Variants in ERBB4 observed in about 807,000 individuals in gnomAD.
The protein encoded by ERBB4 is erb-b2 receptor tyrosine kinase 4, also known as receptor tyrosine-protein kinase erbB-4.
In ERBB4, 42 loss-of-function variants were observed where a neutral mutation model predicts 158.0. The ratio of observed to expected loss-of-function variants is 0.27; its 90% CI spans 0.21 to 0.34. ERBB4 has a LOEUF of 0.34. Among genes scored for constraint, ERBB4 ranks in the 10% least tolerant of loss-of-function variants. ERBB4 has a pLI of 1.00. For missense variants in ERBB4, 1,333 were observed against 1,624.1 expected (o/e 0.82, Z 3.08); for synonymous variants, 583 against 558.7 (o/e 1.04, Z -0.61).
chr2:212,190,377 A>G (rs1264562619), intron 1 of ERBB4, among the ~76,000 whole-genome samples: 3 of 152,122 alleles, frequency 2.0e-5, no homozygotes, highest in South Asian at 4.1e-4. Flanking sequence ...TCTACTGAAA[A>G]TACAAAAAAA....
chr2:211,719,007 T>G (rs1022489975), intron 7 of ERBB4, among the ~76,000 whole-genome samples: 6 of 152,246 alleles, frequency 3.9e-5, no homozygotes, highest in African/African-American at 1.4e-4. Context: ...GGATGGCTTT[T>G]TAAAATGTTT....
intron 2 of ERBB4, among the ~76,000 whole-genome samples, chr2:212,039,187 C>A (rs1056943148): frequency 6.6e-6 from 1 of 152,056 alleles, no homozygotes; most frequent in Non-Finnish European, 1.5e-5. Context: ...GATACCCAGC[C>A]TAGCAGAGGA....
intron 1 of ERBB4, among the ~76,000 whole-genome samples, chr2:212,508,710 T>C (rs1691335551): frequency 6.6e-6 from 1 of 152,138 alleles, no homozygotes; most frequent in Admixed American, 6.5e-5. Context: ...TGGGTAATTA[T>C]CCTAATTTCA....
At chr2:211,544,960 G>T (rs540542162) in intron 20 of ERBB4, among the ~76,000 whole-genome samples, 1 of 151,920 alleles carries the variant, frequency 6.6e-6, no homozygotes, top group African/African-American at 2.4e-5. Flanking sequence ...AATCACAATC[G>T]GTCAAGGGCT....
intron 2 of ERBB4, among the ~76,000 whole-genome samples, chr2:212,002,594 A>G (rs531117213): frequency 6.6e-6 from 1 of 152,304 alleles, no homozygotes; most frequent in Non-Finnish European, 1.5e-5. Flanking sequence ...CCCTTATAAT[A>G]CAGGCAACAA....
intron 1 of ERBB4, among the ~76,000 whole-genome samples, chr2:212,140,099 C>A (rs1022087943): frequency 6.6e-6 from 1 of 151,592 alleles, no homozygotes; most frequent in African/African-American, 2.4e-5. Context: ...ACTATAGAAT[C>A]TGGTTATAAA....
chr2:212,305,186 T>C (rs905224063), intron 1 of ERBB4, among the ~76,000 whole-genome samples: 1 of 151,392 alleles, frequency 6.6e-6, no homozygotes, highest in South Asian at 2.1e-4. Flanking sequence ...TTTGTACATT[T>C]AGCAGAACCA....
intron 1 of ERBB4, among the ~76,000 whole-genome samples, chr2:212,322,655 G>A (rs10164996): frequency 0.19 from 28,856 of 149,938 alleles, 4,951 homozygotes; most frequent in African/African-American, 0.41. Flanking sequence ...CTGGCCACAT[G>A]CTCATGCAGC....
At chr2:212,517,857 C>T (rs1489530085) in intron 1 of ERBB4, among the ~76,000 whole-genome samples, 1 of 152,054 alleles carries the variant, frequency 6.6e-6, no homozygotes, top group African/African-American at 2.4e-5. Context: ...TGAGAGGCAT[C>T]ATCTTGCTTT....
At chr2:211,722,975 G>A (rs2074151711) in intron 6 of ERBB4, among the ~76,000 whole-genome samples, 1 of 152,182 alleles carries the variant, frequency 6.6e-6, no homozygotes, top group Non-Finnish European at 1.5e-5. Flanking sequence ...CCACTGTCCT[G>A]TAAGAAAACA....
At chr2:211,526,075 G>A (rs1412535497) in intron 20 of ERBB4, among the ~76,000 whole-genome samples, 2 of 152,256 alleles carry the variant, frequency 1.3e-5, no homozygotes, top group African/African-American at 2.4e-5. Flanking sequence ...CCTGCTGATT[G>A]TAGAGTCCTA....
chr2:211,452,298 C>T (rs1023204099), intron 20 of ERBB4, among the ~76,000 whole-genome samples: 5 of 152,114 alleles, frequency 3.3e-5, no homozygotes, highest in Admixed American at 6.5e-5. Flanking sequence ...CTGCCTCAGC[C>T]TCCTGAGTAG....
chr2:212,167,117 C>G (rs2081368889), intron 1 of ERBB4, among the ~76,000 whole-genome samples: 1 of 152,106 alleles, frequency 6.6e-6, no homozygotes, highest in South Asian at 2.1e-4. Flanking sequence ...TCAAGAGTTT[C>G]CGCACAGCAA....
intron 1 of ERBB4, among the ~76,000 whole-genome samples, chr2:212,201,069 T>C (rs2082574835): frequency 6.6e-6 from 1 of 152,140 alleles, no homozygotes; most frequent in Admixed American, 6.5e-5. Context: ...TTCAGATGAA[T>C]ACATATTACA....
chr2:212,038,914 G>T (rs1242408970), intron 2 of ERBB4, among the ~76,000 whole-genome samples: 1 of 152,096 alleles, frequency 6.6e-6, no homozygotes, highest in African/African-American at 2.4e-5. Flanking sequence ...AAAAATAAAT[G>T]TGTGTTTGTG....
At chr2:211,529,296 T>C (rs1473893097) in intron 20 of ERBB4, among the ~76,000 whole-genome samples, 2 of 150,684 alleles carry the variant, frequency 1.3e-5, no homozygotes, top group East Asian at 3.9e-4. Context: ...CCTACCGAGA[T>C]TGAACCATGA....
intron 1 of ERBB4, among the ~76,000 whole-genome samples, chr2:212,369,259 C>G (rs1191512714): frequency 1.3e-5 from 2 of 152,138 alleles, no homozygotes; most frequent in East Asian, 1.9e-4. Flanking sequence ...AACAGTGGAG[C>G]TGAGTGACAC....
intron 1 of ERBB4, among the ~76,000 whole-genome samples, chr2:212,295,720 T>C (rs953338278): frequency 4.6e-5 from 7 of 152,036 alleles, no homozygotes; most frequent in Admixed American, 1.3e-4. Flanking sequence ...AGCAATAATA[T>C]ATGTAAAGTA....
chr2:211,741,825 C>A (rs1023737041), intron 5 of ERBB4, among the ~76,000 whole-genome samples: 8 of 152,078 alleles, frequency 5.3e-5, no homozygotes, highest in Admixed American at 2.0e-4. Context: ...TCTTTTAAAT[C>A]TTTGAGAAAA....
Sources: allele counts gnomAD v4.1 joint callset (sites outside exome capture counted in the v4.1 genomes callset), GRCh38; gene constraint gnomAD v4.1.1; transcripts MANE v1.5; gene names NCBI Gene and HGNC (gene_info 2026-07-23, HGNC 2026-07-21).